The following MAML3 variants were observed in gnomAD, a reference collection of about 807,000 sequenced individuals.
The protein encoded by MAML3 is mastermind like transcriptional coactivator 3.
MAML3 carries 27 observed loss-of-function variants against 101.9 expected under a neutral mutation model. The ratio of observed to expected loss-of-function variants is 0.27; its 90% confidence interval spans 0.20 to 0.37. The LOEUF (loss-of-function observed/expected upper bound fraction) is 0.37. MAML3 is among the 10% of genes least tolerant of loss of function. MAML3 has a pLI of 1.00. For missense variants in MAML3, 1,316 were observed against 1,444.9 expected, an observed-to-expected ratio of 0.91 and a Z score of 1.45; for synonymous variants, 501 against 555.9, an observed-to-expected ratio of 0.90 and a Z score of 1.39.
intron 1 of MAML3, among the ~76,000 whole-genome samples, chr4:139,913,663 G>A (rs1732974113): frequency 6.6e-6 from 1 of 152,144 alleles, no homozygotes. Context: ...CTGTGGGGGT[G>A]TCAGCGCTGC....
rs368989943 is a variant in MAML3, at chr4:140,050,017, A to AT, written c.468+102842dup. Among the ~76,000 whole-genome samples the AT allele has an allele frequency of 6.9e-4, 105 of 151,706 alleles. No individual in the cohort carries two copies. The Middle Eastern group carries it at 0.017, about 25-fold the overall frequency. ...GCAGAGAAACATCTCTGCTAGAAAG[A>AT]TTTTTTTTTCCTTTGCCTCCTTTGT... On this transcript the variant is annotated intron_variant, in intron 1 of 4. Transcript: ENST00000509479.
chr4:140,138,421 C>G (rs750853137), intron 1 of MAML3, among the ~76,000 whole-genome samples: 3 of 152,164 alleles, frequency 2.0e-5, no homozygotes, highest in Non-Finnish European at 4.4e-5. Flanking sequence ...ACATTTTCAA[C>G]CATTTAGCCA....
At chr4:139,776,238 T>A (rs1730094053) in intron 2 of MAML3, among the ~76,000 whole-genome samples, 1 of 152,222 alleles carries the variant, frequency 6.6e-6, no homozygotes, top group Non-Finnish European at 1.5e-5. Context: ...ATTTTTGTTG[T>A]ATTTTGTTGC....
intron 1 of MAML3, among the ~76,000 whole-genome samples, chr4:139,971,406 C>T (rs1312697958): frequency 2.6e-5 from 4 of 152,198 alleles, no homozygotes; most frequent in Admixed American, 2.6e-4. Flanking sequence ...CCAGGTATAA[C>T]TATATTTAAT....
chr4:139,958,297 C>T (rs891817022), intron 1 of MAML3, among the ~76,000 whole-genome samples: 24 of 152,130 alleles, frequency 1.6e-4, no homozygotes, highest in African/African-American at 5.6e-4. Flanking sequence ...AGATGCTGTA[C>T]CTCTCTCTGA....
intron 2 of MAML3, among the ~76,000 whole-genome samples, chr4:139,808,848 C>T (rs948543926): frequency 2.6e-5 from 4 of 152,176 alleles, no homozygotes; most frequent in Non-Finnish European, 4.4e-5. Flanking sequence ...CAACTCCTCT[C>T]AGCGATCCCT....
At chr4:140,058,201 A>G (rs1413417719) in intron 1 of MAML3, among the ~76,000 whole-genome samples, 1 of 152,164 alleles carries the variant, frequency 6.6e-6, no homozygotes, top group Non-Finnish European at 1.5e-5. Context: ...GACTCTTTCA[A>G]AAAGTAAAAT....
At chr4:139,876,545 C>G (rs1016302661) in intron 2 of MAML3, among the ~76,000 whole-genome samples, 13 of 152,234 alleles carry the variant, frequency 8.5e-5, no homozygotes, top group African/African-American at 3.1e-4. Context: ...TTCAATCACC[C>G]TTCTATTCGC....
intron 2 of MAML3, among the ~76,000 whole-genome samples, chr4:139,810,815 T>C (rs572124369): frequency 6.6e-6 from 1 of 152,332 alleles, no homozygotes; most frequent in South Asian, 2.1e-4. Context: ...TTCTCTTCAG[T>C]AGAATCCTGA....
intron 2 of MAML3, among the ~76,000 whole-genome samples, chr4:139,773,016 A>G (rs1369509947): frequency 6.6e-6 from 1 of 152,174 alleles, no homozygotes; most frequent in Non-Finnish European, 1.5e-5. Flanking sequence ...ATATTATAAG[A>G]AAATCAGCTT....
chr4:139,757,642 CAAAA>C (rs10583574), intron 2 of MAML3, among the ~76,000 whole-genome samples: 18 of 104,574 alleles, frequency 1.7e-4, no homozygotes, highest in Non-Finnish European at 1.5e-4. Flanking sequence ...GGCTCCATTT[CAAAA>C]AAAAAAAAAA....
intron 2 of MAML3, among the ~76,000 whole-genome samples, chr4:139,850,333 T>G (rs1362977453): frequency 6.6e-6 from 1 of 152,214 alleles, no homozygotes; most frequent in Middle Eastern, 3.2e-3. Flanking sequence ...ATGACTAAGG[T>G]GACCATACAT....
chr4:139,915,219 A>AT (rs1039494237), intron 1 of MAML3, among the ~76,000 whole-genome samples: 1 of 152,208 alleles, frequency 6.6e-6, no homozygotes, highest in Non-Finnish European at 1.5e-5. Context: ...AAAATACTAC[A>AT]TTTGTCAGTT....
chr4:139,992,974 T>C (rs1020023514), intron 1 of MAML3, among the ~76,000 whole-genome samples: 20 of 152,246 alleles, frequency 1.3e-4, no homozygotes, highest in African/African-American at 4.8e-4. Context: ...TTATCTGTTT[T>C]GGTGAAATGT....
In MAML3 at chr4:140,093,397, C is replaced by G. The variant is rs561305138; in HGVS notation, c.468+59463G>C. Among the ~76,000 whole-genome samples the G allele has an allele frequency of 4.0e-5, 6 of 150,336 alleles. No individual in the cohort carries two copies. The East Asian group carries it at 1.2e-3, about 30-fold the overall frequency. ...GCTCAGTGGATCCTAACCACAAAAG[C>G]TAAGACTCATGTTTGTTTGTTTTTT... On this transcript the variant is annotated intron_variant, in intron 1 of 4. Transcript: ENST00000509479.
At chr4:139,912,314 C>T (rs1478060898) in intron 1 of MAML3, among the ~76,000 whole-genome samples, 1 of 152,102 alleles carries the variant, frequency 6.6e-6, no homozygotes. Context: ...TCTTTCTTTT[C>T]TCAATGACCT....
chr4:139,986,653 T>A (rs546726175), intron 1 of MAML3, among the ~76,000 whole-genome samples: 1 of 148,734 alleles, frequency 6.7e-6, no homozygotes, highest in Non-Finnish European at 1.5e-5. Flanking sequence ...CCAATGCCAA[T>A]GAATCATGAA....
intron 1 of MAML3, among the ~76,000 whole-genome samples, chr4:140,126,011 C>T (rs1330312875): frequency 2.0e-5 from 3 of 152,014 alleles, no homozygotes; most frequent in African/African-American, 7.2e-5. Flanking sequence ...CTCCTGACCT[C>T]GTGATCCACC....
chr4:139,987,704 T>C (rs1429626313), intron 1 of MAML3, among the ~76,000 whole-genome samples: 1 of 152,078 alleles, frequency 6.6e-6, no homozygotes, highest in Non-Finnish European at 1.5e-5. Flanking sequence ...GGCCACTTTG[T>C]TCAGCACAAG....
Sources: gnomAD v4.1 joint callset for allele counts (sites outside exome capture counted in the v4.1 genomes callset) on GRCh38, gnomAD v4.1.1 for gene constraint, MANE v1.5 for transcripts, NCBI Gene and HGNC (gene_info 2026-07-23, HGNC 2026-07-21) for gene names.